The following EFR3A variants were observed in gnomAD, a reference collection of about 807,000 sequenced individuals.
EFR3A encodes EFR3 homolog A.
A neutral mutation model predicts 104.4 loss-of-function variants in EFR3A; 76 were observed. That is an observed-to-expected ratio of 0.73 (90% CI 0.60 to 0.88). EFR3A has a LOEUF of 0.88. Among genes scored for constraint, EFR3A ranks in the 40% least tolerant of loss-of-function variants. The pLI is 0.00. For missense variants in EFR3A, 985 were observed against 1,012.5 expected (o/e 0.97, Z 0.37); for synonymous variants, 330 against 330.0 (o/e 1.00, Z 0.00).
At position 131,944,878 on chromosome 8, in the gene EFR3A, G is replaced by A; in HGVS notation, c.215+6G>A. ...GTTGTCAGACATCGTTCTGGGTAAG[G>A]AAACTAATGGCTGCTAAAATAGTAT... is the stretch of plus-strand genomic sequence containing the variant. On this transcript the variant is annotated splice_donor_region_variant and intron_variant, in intron 3 of 22. Transcript: ENST00000254624. The A allele has an allele frequency of 6.2e-7, 1 of 1,605,402 alleles. No individual in the cohort carries two copies. Among genetic ancestry groups the A allele is most frequent in the Non-Finnish European group, 8.5e-7 (1 of 1,177,000 alleles).
In EFR3A at chr8:132,010,985, A is replaced by G; in HGVS notation, c.*90A>G. ...CAGGGTTTACTTAATGTGTATTAACATACTTCTTGAAAATAATGATGGAAC... is the reference window on the plus strand; with the variant it reads ...CAGGGTTTACTTAATGTGTATTAACGTACTTCTTGAAAATAATGATGGAAC... On this transcript the variant is annotated 3_prime_UTR_variant, in exon 23 of 23. Coordinates refer to ENST00000254624, the MANE Select transcript of EFR3A (RefSeq NM_015137.6). 7.3e-7 allele frequency: 1 copy of G among 1,367,826 alleles called. No individual in the cohort carries two copies. The highest frequency in any genetic ancestry group is 2.1e-5 in the South Asian group (1 of 48,362). 84.7% of individuals were successfully genotyped at this position (1,367,826 alleles called of 1,614,324 possible).
intron 1 of EFR3A, chr8:131,935,423 A>T: frequency 8.2e-6 from 3 of 366,462 alleles, no homozygotes; most frequent in South Asian, 6.1e-5. Flanking sequence ...CGAGCAGTAG[A>T]TTGTTACAGG....
intron 14 of EFR3A, among the ~76,000 whole-genome samples, chr8:131,981,972 C>T (rs1820637546): frequency 6.6e-6 from 1 of 151,910 alleles, no homozygotes; most frequent in Non-Finnish European, 1.5e-5. Flanking sequence ...AATGTTTCAC[C>T]TAATCAAGGA....
At chr8:131,924,611 G>A (rs888416470) in intron 1 of EFR3A, among the ~76,000 whole-genome samples, 1 of 152,086 alleles carries the variant, frequency 6.6e-6, no homozygotes, top group Non-Finnish European at 1.5e-5. Flanking sequence ...AGAACATCCT[G>A]TTTCCCTCAG....
chr8:132,003,382 T>C, intron 22 of EFR3A, 97 bp downstream of exon 22: 2 of 1,093,246 alleles, frequency 1.8e-6, no homozygotes, highest in Non-Finnish European at 1.4e-6. Context: ...TAAGTTATCA[T>C]GTTAAAGTAA....
intron 22 of EFR3A, among the ~76,000 whole-genome samples, chr8:132,005,848 T>G (rs1183957938): frequency 2.0e-5 from 3 of 152,036 alleles, no homozygotes; most frequent in Non-Finnish European, 4.4e-5. Context: ...ATTCACAAAA[T>G]AGACAGATGT....
At chr8:131,912,750 T>C (rs1403658024) in intron 1 of EFR3A, among the ~76,000 whole-genome samples, 1 of 152,192 alleles carries the variant, frequency 6.6e-6, no homozygotes, top group African/African-American at 2.4e-5. Flanking sequence ...TTATAATTTT[T>C]TTCAAAACCT....
chr8:131,998,019 A>G (rs1821583729), intron 19 of EFR3A, among the ~76,000 whole-genome samples: 1 of 152,064 alleles, frequency 6.6e-6, no homozygotes, highest in Non-Finnish European at 1.5e-5. Context: ...TTTTTCATTT[A>G]CTATAAGTCC....
chr8:131,913,258 C>T (rs1333064338), intron 1 of EFR3A, among the ~76,000 whole-genome samples: 4 of 151,104 alleles, frequency 2.6e-5, no homozygotes, highest in African/African-American at 9.7e-5. Flanking sequence ...AAAATTCTCT[C>T]ATCATGTGTA....
chr8:131,987,479 A>C, intron 17 of EFR3A, 96 bp from the exon 18 acceptor site: 1 of 1,304,482 alleles, frequency 7.7e-7, no homozygotes, highest in Non-Finnish European at 1.0e-6. Flanking sequence ...TTATATTTAG[A>C]ATATTGAGGC....
chr8:131,996,748 T>C (rs1821512985), intron 19 of EFR3A, among the ~76,000 whole-genome samples: 1 of 152,104 alleles, frequency 6.6e-6, no homozygotes, highest in African/African-American at 2.4e-5. Context: ...TTTCACATTA[T>C]AATTTAGTGT....
intron 1 of EFR3A, among the ~76,000 whole-genome samples, chr8:131,920,723 A>G (rs913637486): frequency 1.3e-5 from 2 of 151,722 alleles, no homozygotes; most frequent in African/African-American, 4.8e-5. Flanking sequence ...TCAGAAAGGC[A>G]GTATAGTGTA....
intron 1 of EFR3A, among the ~76,000 whole-genome samples, chr8:131,920,402 C>T (rs1394522469): frequency 6.6e-6 from 1 of 152,178 alleles, no homozygotes; most frequent in East Asian, 1.9e-4. Context: ...TATGTAGACC[C>T]TCTAACAGCA....
At chr8:131,933,492 T>A (rs1406272203) in intron 1 of EFR3A, among the ~76,000 whole-genome samples, 2 of 152,170 alleles carry the variant, frequency 1.3e-5, no homozygotes, top group Non-Finnish European at 2.9e-5. Context: ...AATATTTGTG[T>A]TAATTTTTTT....
intron 18 of EFR3A, among the ~76,000 whole-genome samples, chr8:131,990,824 A>C (rs1351966668): frequency 6.6e-6 from 1 of 152,156 alleles, no homozygotes; most frequent in East Asian, 1.9e-4. Context: ...TTTGATTGGT[A>C]TGGAGAGACA....
intron 10 of EFR3A, among the ~76,000 whole-genome samples, chr8:131,972,256 C>CTTTT (rs34550285): frequency 7.2e-6 from 1 of 139,608 alleles, no homozygotes; most frequent in Non-Finnish European, 1.5e-5. Flanking sequence ...CTCCCTGAAC[C>CTTTT]TTTTTTTTTT....
At chr8:132,001,153 A>C (rs1331942312) in intron 19 of EFR3A, among the ~76,000 whole-genome samples, 2 of 152,226 alleles carry the variant, frequency 1.3e-5, no homozygotes, top group African/African-American at 4.8e-5. Context: ...ATCTCAAAGC[A>C]AGAGAGACTT....
intron 2 of EFR3A, among the ~76,000 whole-genome samples, chr8:131,944,415 A>G (rs1395082375): frequency 6.6e-6 from 1 of 152,114 alleles, no homozygotes; most frequent in Non-Finnish European, 1.5e-5. Context: ...ACATTTTTAA[A>G]CTGAAACAAA....
intron 8 of EFR3A, among the ~76,000 whole-genome samples, chr8:131,966,836 A>T (rs1272117837): frequency 6.6e-6 from 1 of 152,184 alleles, no homozygotes; most frequent in Non-Finnish European, 1.5e-5. Context: ...ATGAAACCTC[A>T]GTACACATGA....
Sources: allele counts gnomAD v4.1 joint callset (sites outside exome capture counted in the v4.1 genomes callset), GRCh38; gene constraint gnomAD v4.1.1; transcripts MANE v1.5; gene names NCBI Gene and HGNC (gene_info 2026-07-23, HGNC 2026-07-21).